Variants in MAN1A2 observed in about 807,000 individuals in gnomAD.
The protein encoded by MAN1A2 is mannosidase alpha class 1A member 2.
In MAN1A2, 26 loss-of-function variants were observed where a neutral mutation model predicts 75.7. The ratio of observed to expected loss-of-function variants is 0.34; its 90% confidence interval spans 0.25 to 0.48. The LOEUF (loss-of-function observed/expected upper bound fraction) is 0.48, where lower values mean the gene tolerates loss of function less well. Among genes scored for constraint, MAN1A2 ranks in the 20% least tolerant of loss-of-function variants. MAN1A2 has a pLI of 0.99. For synonymous variants in MAN1A2, 247 were observed against 264.6 expected (o/e 0.93, Z 0.65); for missense variants, 562 against 775.5 (o/e 0.72, Z 3.27).
At chr1:117,457,302 G>T (rs61805793) in intron 6 of MAN1A2, among the ~76,000 whole-genome samples, 18,248 of 151,816 alleles carry the variant, frequency 0.12, 1,156 homozygotes, top group Non-Finnish European at 0.14. Context: ...TGTTACTCAG[G>T]TTCTCTGAGT....
intron 6 of MAN1A2, among the ~76,000 whole-genome samples, chr1:117,458,515 A>ATC (rs1200062172): frequency 1.1e-5 from 1 of 87,696 alleles, no homozygotes; most frequent in East Asian, 2.4e-4. Flanking sequence ...ATATATAGAT[A>ATC]TATATATATT....
intron 6 of MAN1A2, among the ~76,000 whole-genome samples, chr1:117,453,480 CAAGTG>C (rs1649485999): frequency 6.6e-6 from 1 of 152,108 alleles, no homozygotes; most frequent in East Asian, 1.9e-4. Flanking sequence ...GGTTCAAACT[CAAGTG>C]GAGGAAGTAA....
intron 7 of MAN1A2, among the ~76,000 whole-genome samples, chr1:117,463,023 GAGA>G (rs1649868170): frequency 6.6e-6 from 1 of 151,962 alleles, no homozygotes; most frequent in East Asian, 1.9e-4. Flanking sequence ...TTCATCAACA[GAGA>G]AGAATTTTCA....
intron 9 of MAN1A2, chr1:117,494,325 A>G (rs1293313527): frequency 6.6e-6 from 1 of 152,116 alleles, no homozygotes. Context: ...GAAGTGTGTT[A>G]AGTGTGTTTA....
At chr1:117,478,095 T>G (rs1462288770) in intron 8 of MAN1A2, among the ~76,000 whole-genome samples, 1 of 152,040 alleles carries the variant, frequency 6.6e-6, no homozygotes, top group African/African-American at 2.4e-5. Context: ...AAGGACCTCT[T>G]CAAGGAGAAC....
At chr1:117,417,820 G>A (rs1194886903) in intron 4 of MAN1A2, among the ~76,000 whole-genome samples, 1 of 151,574 alleles carries the variant, frequency 6.6e-6, no homozygotes, top group African/African-American at 2.4e-5. Flanking sequence ...CAGACAAGGA[G>A]TCATGGCTCG....
rs562932672 is a variant in MAN1A2 at position 117,446,375 on chromosome 1, A to G, written c.950+4050A>G. On this transcript the variant is annotated intron_variant, in intron 6 of 12. Coordinates refer to ENST00000356554, the MANE Select transcript of MAN1A2 (RefSeq NM_006699.5). Reference sequence around the variant, plus strand: ...GGAACTGTAGGTTGTATCTTTCTACACTGATCTTATATCTTTCTCTCTTTT... The same window carrying G: ...GGAACTGTAGGTTGTATCTTTCTACGCTGATCTTATATCTTTCTCTCTTTT... Among the ~76,000 whole-genome samples, 23 of 151,970 alleles carry G rather than the reference A, an allele frequency of 1.5e-4. 1 individual carries two copies. Among genetic ancestry groups the G allele is most frequent in the African/African-American group, 5.1e-4 (21 of 41,488 alleles).
At chr1:117,384,565 C>T (rs186709010) in intron 1 of MAN1A2, among the ~76,000 whole-genome samples, 1 of 152,192 alleles carries the variant, frequency 6.6e-6, no homozygotes, top group East Asian at 1.9e-4. Flanking sequence ...AGAAGAATGT[C>T]TGTTCTGCTG....
At chr1:117,518,595 A>G (rs1651786034) in intron 12 of MAN1A2, among the ~76,000 whole-genome samples, 1 of 152,150 alleles carries the variant, frequency 6.6e-6, no homozygotes, top group African/African-American at 2.4e-5. Context: ...ACAGAGGGAC[A>G]TTATATAATG....
At chr1:117,396,374 C>A (rs1438446335) in intron 1 of MAN1A2, among the ~76,000 whole-genome samples, 2 of 152,154 alleles carry the variant, frequency 1.3e-5, no homozygotes, top group African/African-American at 4.8e-5. Flanking sequence ...AAATTCTTTA[C>A]TACACAGGAA....
intron 1 of MAN1A2, among the ~76,000 whole-genome samples, chr1:117,370,953 C>T (rs1005026609): frequency 6.6e-6 from 1 of 151,686 alleles, no homozygotes; most frequent in South Asian, 2.1e-4. Context: ...AGATTCATAC[C>T]CTAGCTTGCC....
At chr1:117,392,886 A>T (rs1470419417) in intron 1 of MAN1A2, among the ~76,000 whole-genome samples, 1 of 152,244 alleles carries the variant, frequency 6.6e-6, no homozygotes, top group Non-Finnish European at 1.5e-5. Context: ...TGGATTTGGT[A>T]TAAAAGCTTG....
At chr1:117,480,958 C>T (rs993950367) in intron 8 of MAN1A2, among the ~76,000 whole-genome samples, 9 of 151,842 alleles carry the variant, frequency 5.9e-5, no homozygotes, top group African/African-American at 1.9e-4. Context: ...ACCTTTCCCT[C>T]AACCCCACCC....
intron 6 of MAN1A2, among the ~76,000 whole-genome samples, chr1:117,459,613 C>T (rs2101834278): frequency 6.6e-6 from 1 of 152,144 alleles, no homozygotes; most frequent in Non-Finnish European, 1.5e-5. Flanking sequence ...CATTCAAAGC[C>T]TCTACAATTT....
At chr1:117,477,219 A>G (rs1167082939) in intron 8 of MAN1A2, among the ~76,000 whole-genome samples, 1 of 151,878 alleles carries the variant, frequency 6.6e-6, no homozygotes, top group African/African-American at 2.4e-5. Context: ...AGGAGCTTGT[A>G]CCTACCATTC....
rs116304900 is a variant in MAN1A2, at chr1:117,468,690, T to C, written c.1168+2263T>C. 4.6e-3 allele frequency among the ~76,000 whole-genome samples: 698 copies of C among 152,282 alleles called. 7 individuals carry two copies. The highest frequency in any genetic ancestry group is 0.016 in the African/African-American group (665 of 41,570). On this transcript the variant is annotated intron_variant, in intron 8 of 12. Transcript: ENST00000356554. Reference sequence around the variant, plus strand: ...AGGGCAGTTTTTAAACGTCTTGTAATAGGGATTTGGTTAAATACATTTTGG... The same window carrying C: ...AGGGCAGTTTTTAAACGTCTTGTAACAGGGATTTGGTTAAATACATTTTGG...
At chr1:117,393,238 C>T (rs1427860432) in intron 1 of MAN1A2, among the ~76,000 whole-genome samples, 1 of 152,162 alleles carries the variant, frequency 6.6e-6, no homozygotes, top group African/African-American at 2.4e-5. Flanking sequence ...ATAATAACAC[C>T]ATTTTAATTA....
intron 12 of MAN1A2, 38 bp from the exon 13 acceptor site, chr1:117,522,784 GAAT>G (rs1193117987): frequency 2.5e-6 from 4 of 1,590,140 alleles, no homozygotes; most frequent in Non-Finnish European, 3.4e-6. Context: ...TGTTCTTGTT[GAAT>G]TCTAACTGAA....
intron 1 of MAN1A2, among the ~76,000 whole-genome samples, chr1:117,389,356 C>T (rs1477085081): frequency 6.6e-6 from 1 of 152,184 alleles, no homozygotes; most frequent in African/African-American, 2.4e-5. Context: ...AACTGTTCCA[C>T]TTCAGATCAC....
Sources: gnomAD v4.1 joint callset for allele counts (sites outside exome capture counted in the v4.1 genomes callset) on GRCh38, gnomAD v4.1.1 for gene constraint, MANE v1.5 for transcripts, NCBI Gene and HGNC (gene_info 2026-07-23, HGNC 2026-07-21) for gene names.